CACNA1D: variants seen among roughly 807,000 people sequenced by gnomAD.
The protein encoded by CACNA1D is calcium voltage-gated channel subunit alpha1 D.
Under a neutral mutation model 257.1 loss-of-function variants are expected in CACNA1D, and 55 were observed. The ratio of observed to expected loss-of-function variants is 0.21; its 90% CI spans 0.17 to 0.27. The LOEUF (loss-of-function observed/expected upper bound fraction) is 0.27. CACNA1D is among the 10% of genes least tolerant of loss of function. The pLI is 1.00. For synonymous variants in CACNA1D, 980 were observed against 1,014.9 expected (o/e 0.97, Z 0.65); for missense variants, 1,876 against 2,784.0 (o/e 0.67, Z 7.34).
chr3:53,781,421 G>C, intron 38 of CACNA1D, 145 bp from the exon 39 acceptor site: 1 of 682,382 alleles, frequency 1.5e-6, no homozygotes, highest in Non-Finnish European at 2.7e-6. Context: ...GTTTGCCCCT[G>C]ACTGGGGAGA....
At chr3:53,508,574 ATTTC>A (rs914516642) in intron 3 of CACNA1D, among the ~76,000 whole-genome samples, 14 of 152,158 alleles carry the variant, frequency 9.2e-5, no homozygotes, top group Admixed American at 1.3e-4. Flanking sequence ...AGAGCAAGGC[ATTTC>A]TTTCTTAATC....
intron 9 of CACNA1D, among the ~76,000 whole-genome samples, chr3:53,713,496 G>C (rs2094783133): frequency 1.0e-5 from 1 of 96,002 alleles, no homozygotes; most frequent in African/African-American, 4.7e-5. Context: ...CATTTGCTCT[G>C]TGTGTATGTG....
chr3:53,705,981 G>A (rs2094684744), intron 9 of CACNA1D, among the ~76,000 whole-genome samples: 1 of 152,226 alleles, frequency 6.6e-6, no homozygotes, highest in African/African-American at 2.4e-5. Context: ...GGCTGTCTCT[G>A]TGCATCTGAT....
chr3:53,497,506 A>G (rs1206125224), intron 2 of CACNA1D, 45 bp downstream of exon 2: 2 of 1,587,068 alleles, frequency 1.3e-6, no homozygotes, highest in East Asian at 2.2e-5. Flanking sequence ...CTCTTTTACC[A>G]TCTGTTTTTT....
At chr3:53,665,848 A>C (rs751698239) in intron 6 of CACNA1D, 36 bp downstream of exon 6, 191 of 1,585,966 alleles carry the variant, frequency 1.2e-4, no homozygotes, top group Non-Finnish European at 1.6e-4. Context: ...TTAACTTTAA[A>C]ATTTTTTTGT....
intron 45 of CACNA1D, chr3:53,808,389 G>T: frequency 2.3e-6 from 1 of 433,022 alleles, no homozygotes; most frequent in Non-Finnish European, 4.3e-6. Context: ...ACTCCAGCCT[G>T]GGCGACAGAG....
At chr3:53,663,930 T>G (rs1194224263) in intron 5 of CACNA1D, among the ~76,000 whole-genome samples, 1 of 152,050 alleles carries the variant, frequency 6.6e-6, no homozygotes, top group Non-Finnish European at 1.5e-5. Flanking sequence ...CACACCCAAC[T>G]AATTTTTGTA....
chr3:53,564,888 A>G (rs1207439857), intron 3 of CACNA1D, among the ~76,000 whole-genome samples: 1 of 152,214 alleles, frequency 6.6e-6, no homozygotes, highest in African/African-American at 2.4e-5. Context: ...TACCATGATA[A>G]GATGTGCAGA....
At chr3:53,717,044 G>A (rs1309821298) in intron 9 of CACNA1D, among the ~76,000 whole-genome samples, 1 of 152,246 alleles carries the variant, frequency 6.6e-6, no homozygotes, top group African/African-American at 2.4e-5. Flanking sequence ...CCCACTACCA[G>A]TATTTGCAGA....
rs144999695 is a variant in CACNA1D, at chr3:53,798,938, C to T, written c.4924-1311C>T. The stretch of plus-strand genomic sequence containing the variant: ...TGGTCATCATGCCTATCTGTCCTTG[C>T]CACAGCTGCCCACATGCTAAGAGGT... On this transcript the variant is annotated intron_variant, in intron 40 of 47. Transcript: ENST00000350061. 7.0e-3 allele frequency among the ~76,000 whole-genome samples: 1,059 copies of T among 152,332 alleles called. 17 individuals are homozygous for T. Among genetic ancestry groups the T allele is most frequent in the Non-Finnish European group, 6.2e-3 (420 of 68,024 alleles).
chr3:53,743,195 G>T, intron 22 of CACNA1D, 78 bp downstream of exon 22: 1 of 861,614 alleles, frequency 1.2e-6, no homozygotes, highest in Non-Finnish European at 2.0e-6. Flanking sequence ...ATTGATAAAG[G>T]CTGGGCATCA....
At chr3:53,659,090 T>C (rs2094177290) in intron 4 of CACNA1D, among the ~76,000 whole-genome samples, 1 of 152,336 alleles carries the variant, frequency 6.6e-6, no homozygotes, top group East Asian at 1.9e-4. Flanking sequence ...ACAATCTGAT[T>C]GGCCAGAGTT....
At chr3:53,497,676 T>TATA (rs1253384226) in intron 2 of CACNA1D, among the ~76,000 whole-genome samples, 1 of 152,108 alleles carries the variant, frequency 6.6e-6, no homozygotes, top group Non-Finnish European at 1.5e-5. Flanking sequence ...TGGATGTGTG[T>TATA]ATAGTAGTAG....
intron 3 of CACNA1D, among the ~76,000 whole-genome samples, chr3:53,518,692 G>A (rs1042330020): frequency 8.5e-5 from 13 of 152,050 alleles, no homozygotes; most frequent in African/African-American, 1.2e-4. Context: ...CTTACTCCCC[G>A]TCTTTTCTTT....
At chr3:53,510,635 C>T (rs1189977703) in intron 3 of CACNA1D, among the ~76,000 whole-genome samples, 1 of 152,134 alleles carries the variant, frequency 6.6e-6, no homozygotes, top group East Asian at 1.9e-4. Flanking sequence ...TGTTTATTGC[C>T]ACATCATTCT....
At chr3:53,716,354 A>G (rs1179586309) in intron 9 of CACNA1D, among the ~76,000 whole-genome samples, 1 of 152,212 alleles carries the variant, frequency 6.6e-6, no homozygotes, top group Non-Finnish European at 1.5e-5. Flanking sequence ...AGTAACCACC[A>G]CGGAAAATGC....
At chr3:53,735,270 C>G in intron 19 of CACNA1D, 104 bp from the exon 20 acceptor site, 1 of 1,082,500 alleles carries the variant, frequency 9.2e-7, no homozygotes, top group South Asian at 1.2e-5. Context: ...CAGCAGACAG[C>G]TGCCCTCTGC....
intron 3 of CACNA1D, among the ~76,000 whole-genome samples, chr3:53,629,639 TCA>T (rs1410207548): frequency 6.6e-6 from 1 of 152,160 alleles, no homozygotes; most frequent in Non-Finnish European, 1.5e-5. Context: ...CTTTCTTTGC[TCA>T]CACACATTCC....
chr3:53,674,741 C>T (rs2094357484), intron 8 of CACNA1D, among the ~76,000 whole-genome samples: 1 of 152,180 alleles, frequency 6.6e-6, no homozygotes, highest in African/African-American at 2.4e-5. Context: ...CAATCAGCTC[C>T]TTCATACAGC....
Sources: gnomAD v4.1 joint callset for allele counts (sites outside exome capture counted in the v4.1 genomes callset) on GRCh38, gnomAD v4.1.1 for gene constraint, MANE v1.5 for transcripts, NCBI Gene and HGNC (gene_info 2026-07-23, HGNC 2026-07-21) for gene names.